The following XKR5 variants were observed in gnomAD, a reference collection of about 807,000 sequenced individuals.
XKR5 encodes the protein XK-related protein 5.
Under a neutral mutation model 40.8 loss-of-function variants are expected in XKR5, and 46 were observed. The ratio of observed to expected loss-of-function variants is 1.13; its 90% CI spans 0.89 to 1.44. XKR5 has a LOEUF of 1.44. Ranked by LOEUF, XKR5 falls within the 40% of genes most tolerant of loss-of-function variation. The pLI, the probability that XKR5 is intolerant of heterozygous loss-of-function variation, is 0.00. For synonymous variants in XKR5, 466 were observed against 356.1 expected (o/e 1.31, Z -3.48); for missense variants, 1,169 against 844.7 (o/e 1.38, Z -4.76).
chr8:6,832,612 G>T, intron 2 of XKR5, 105 bp downstream of exon 2: 1 of 1,455,156 alleles, frequency 6.9e-7, no homozygotes, highest in Non-Finnish European at 9.4e-7. Context: ...TCTTCCCAAT[G>T]CTGAACTTTT....
rs545959554 is a variant in XKR5 at position 6,820,537 on chromosome 8, C to G, written c.807+1332G>C. On this transcript the variant is annotated intron_variant, in intron 5 of 6. Transcript: ENST00000618742. Reference sequence around the variant, plus strand: ...ATCTGGGCATTGGCAGGCGGGGTGTCCACCTATGAATAAGCCACTTCAGCA... The same window carrying G: ...ATCTGGGCATTGGCAGGCGGGGTGTGCACCTATGAATAAGCCACTTCAGCA... 2.0e-5 allele frequency among the ~76,000 whole-genome samples: 3 copies of G among 152,292 alleles called. No homozygotes were observed. The East Asian group carries it at 5.8e-4, about 29-fold the overall frequency.
At chr8:6,821,797 C>T in intron 5 of XKR5, 72 bp downstream of exon 5, 3 of 1,368,478 alleles carry the variant, frequency 2.2e-6, no homozygotes, top group East Asian at 2.4e-5. Context: ...CACACACCCC[C>T]CACACACACC....
chr8:6,828,243 G>A (rs1563361411), intron 2 of XKR5, among the ~76,000 whole-genome samples: 1 of 152,230 alleles, frequency 6.6e-6, no homozygotes, highest in Admixed American at 6.5e-5. Flanking sequence ...GAATAAGGTG[G>A]TCAGGGAATG....
intron 4 of XKR5, 88 bp from the exon 5 acceptor site, chr8:6,822,126 C>T (rs377363899): frequency 4.5e-6 from 6 of 1,339,628 alleles, no homozygotes; most frequent in Middle Eastern, 2.6e-4. Flanking sequence ...CTGGAAGGCT[C>T]TCCGACCACA....
chr8:6,809,160 C>G lies in XKR5; in HGVS notation c.*2038G>C, dbSNP rs1405221136. ...GATGTTTGAGTGGAGTCTTGGAGGACAAATGGGGAGGGCTGGTGAGGACTC... is the reference window on the plus strand; with the variant it reads ...GATGTTTGAGTGGAGTCTTGGAGGAGAAATGGGGAGGGCTGGTGAGGACTC... On this transcript the variant is annotated 3_prime_UTR_variant, in exon 7 of 7. Coordinates refer to ENST00000618742, the MANE Select transcript of XKR5 (RefSeq NM_207411.5). 2 of 152,368 alleles carry G rather than the reference C, an allele frequency of 1.3e-5. No homozygotes were observed. Among genetic ancestry groups the G allele is most frequent in the Middle Eastern group, 3.4e-3 (1 of 296 alleles). The allele number at this position is 152,368 out of a possible 1,614,324, so 9.4% of individuals were successfully genotyped here. A position where few individuals can be genotyped will look rare whatever the true frequency, so the allele number is the denominator to read the frequency against.
intron 5 of XKR5, among the ~76,000 whole-genome samples, chr8:6,817,968 A>C (rs1413496959): frequency 6.6e-6 from 1 of 152,050 alleles, no homozygotes; most frequent in Admixed American, 6.5e-5. Flanking sequence ...CTTTTTGTAA[A>C]TTTCCACTTC....
intron 4 of XKR5, among the ~76,000 whole-genome samples, chr8:6,822,407 T>C (rs1563355557): frequency 6.6e-6 from 1 of 152,152 alleles, no homozygotes; most frequent in Non-Finnish European, 1.5e-5. Flanking sequence ...GCAAAAAACC[T>C]CCACATGCAA....
rs546093224 is a variant in XKR5 at position 6,812,123 on chromosome 8, G to A, written c.1136C>T (p.Thr379Ile). Residue 379 changes from threonine to isoleucine, a missense_variant, in exon 7 of 7, where the codon ACC becomes ATC. Thr to Ile is a moderately conservative substitution (Grantham distance 89). Coordinates refer to ENST00000618742, the MANE Select transcript of XKR5 (RefSeq NM_207411.5). ...AGCCTCTGGGGGGACCTGCTCAGGG[G>A]TAGGGGGCTTCCCTAAAATGGTTGG... ...YEPTILGKPP[T>I]PEQVPPEAGL... 129 of 1,548,546 alleles carry A rather than the reference G, an allele frequency of 8.3e-5. No individual in the cohort carries two copies. In the African/African-American group the frequency reaches 1.1e-3, roughly 13 times the overall value.
chr8:6,826,481 T>A (rs754393930), intron 2 of XKR5, among the ~76,000 whole-genome samples: 1 of 151,720 alleles, frequency 6.6e-6, no homozygotes, highest in Non-Finnish European at 1.5e-5. Flanking sequence ...AATAGTGGAG[T>A]TGGAGATCAG....
At chr8:6,821,790 ACACC>A (rs1000731405) in intron 5 of XKR5, 75 bp downstream of exon 5, 30 of 1,318,564 alleles carry the variant, frequency 2.3e-5, no homozygotes, top group South Asian at 1.3e-4. Context: ...ACACACACAC[ACACC>A]CCCCACACAC....
intron 2 of XKR5, 111 bp downstream of exon 2, chr8:6,832,606 C>T: frequency 1.4e-6 from 2 of 1,412,770 alleles, no homozygotes; most frequent in African/African-American, 1.5e-5. Flanking sequence ...TGAACCTCTT[C>T]CCAATGCTGA....
chr8:6,823,604 C>T lies in XKR5; in HGVS notation c.554G>A (p.Trp185Ter), dbSNP rs767435130. The T allele has an allele frequency of 6.3e-7, 1 of 1,596,402 alleles. No individual in the cohort carries two copies. The highest frequency in any genetic ancestry group is 8.5e-7 in the Non-Finnish European group (1 of 1,171,550). ...PWAALFCQQL[W>*]RMGMLGTRVL... ...GCGGGTTCCCAACATGCCCATCCTC[C>T]AGAGCTGCTGGCAGAAGAGGGCGGC... is the stretch of plus-strand genomic sequence containing the variant. Residue 185 changes from tryptophan (W) to a stop codon, truncating the protein, a stop_gained, in exon 4 of 7, where the codon TGG becomes TAG. Coordinates refer to ENST00000618742, the MANE Select transcript of XKR5 (RefSeq NM_207411.5). LOFTEE classifies it high-confidence loss of function.
At chr8:6,814,273 G>C (rs764892129) in intron 6 of XKR5, among the ~76,000 whole-genome samples, 1 of 152,182 alleles carries the variant, frequency 6.6e-6, no homozygotes, top group African/African-American at 2.4e-5. Flanking sequence ...GATGAAACAA[G>C]CTGTGGTCCG....
intron 2 of XKR5, 52 bp downstream of exon 2, chr8:6,832,665 C>T (rs1804821509): frequency 1.3e-6 from 2 of 1,598,436 alleles, no homozygotes; most frequent in Admixed American, 1.7e-5. Context: ...AGATTCCTCT[C>T]ACTGCACTTG....
In XKR5 at chr8:6,815,853, C is replaced by A; in HGVS notation, c.873G>T (p.Trp291Cys). ...LATDFLQGAS[W>C]TSLQTIAGVL... Reference sequence around the variant, plus strand: ...CCCCAGCTATGGTCTGCAGGCTGGTCCACGATGCCCCCTGGAGAAAGTCGG... The same window carrying A: ...CCCCAGCTATGGTCTGCAGGCTGGTACACGATGCCCCCTGGAGAAAGTCGG... Residue 291 changes from tryptophan (W) to cysteine (C), a missense_variant, in exon 6 of 7, where the codon TGG (tryptophan) becomes TGT (cysteine). By Grantham distance (215) the Trp-to-Cys change is radical (BLOSUM62 -2). Transcript: ENST00000618742. 2 of 1,605,474 alleles carry A rather than the reference C, an allele frequency of 1.2e-6. No individual in the cohort carries two copies. The highest frequency in any genetic ancestry group is 1.1e-5 in the South Asian group (1 of 89,058).
Position 6,823,663 on chromosome 8 carries a change from G to A in XKR5, c.495C>T (p.Gly165=), listed in dbSNP as rs1360703150. The A allele has an allele frequency of 3.8e-6, 6 of 1,591,700 alleles. No homozygotes were observed. In the South Asian group the frequency reaches 5.7e-5, roughly 15 times the overall value. The part of the protein sequence containing the change: ...WALVSYTRFM[G]FMKPGHLAMP... ...TGGCCAGGTGGCCTGGCTTCATGAA[G>A]CCCATGAAGCGAGTGTAGGACACCA... The change falls in exon 4 of 7, where the codon GGC becomes GGT. Residue 165 remains glycine, a synonymous_variant. Transcript: ENST00000618742.
intron 4 of XKR5, 134 bp from the exon 5 acceptor site, chr8:6,822,172 AG>A: frequency 1.2e-6 from 1 of 852,650 alleles, no homozygotes; most frequent in Admixed American, 3.1e-5. Context: ...ATCAAAACCC[AG>A]AAGAGATTTG....
chr8:6,811,862 T>A lies in XKR5; in HGVS notation c.1397A>T (p.Glu466Val). 1 of 1,537,574 alleles carries A rather than the reference T, an allele frequency of 6.5e-7. No individual in the cohort carries two copies. The highest frequency in any genetic ancestry group is 8.7e-7 in the Non-Finnish European group (1 of 1,146,988). ...PSSSRDPSTL[E>V]NSSAFEGVPK... ...GACACCTTCAAACGCAGAGCTGTTC[T>A]CTAAGGTTGAGGGGTCACGGGATGA... The change falls in exon 7 of 7, where the codon GAG (glutamate) becomes GTG (valine). Residue 466 changes from glutamate (E) to valine (V), a missense_variant. Glu to Val is a moderately radical substitution (Grantham distance 121). Transcript: ENST00000618742.
At chr8:6,835,006 C>T (rs1044531050) in intron 1 of XKR5, among the ~76,000 whole-genome samples, 1 of 152,262 alleles carries the variant, frequency 6.6e-6, no homozygotes, top group South Asian at 2.1e-4. Flanking sequence ...GGCCGGGGGT[C>T]GGGGGAGAGC....
Sources: gnomAD v4.1 joint callset for allele counts (sites outside exome capture counted in the v4.1 genomes callset) on GRCh38, gnomAD v4.1.1 for gene constraint, MANE v1.5 for transcripts, NCBI Gene and HGNC (gene_info 2026-07-23, HGNC 2026-07-21) for gene names.